The following FYB1 variants were observed in gnomAD, a reference collection of about 807,000 sequenced individuals.
The protein encoded by FYB1 is FYN-binding protein 1.
A neutral mutation model predicts 94.1 loss-of-function variants in FYB1; 41 were observed. That is an observed-to-expected ratio of 0.44 (90% CI 0.34 to 0.57). FYB1 has a LOEUF of 0.57. FYB1 is among the 20% of genes least tolerant of loss of function. The pLI, the probability that FYB1 is intolerant of heterozygous loss-of-function variation, is 0.02. For synonymous variants in FYB1, 367 were observed against 353.2 expected (o/e 1.04, Z -0.44); for missense variants, 1,050 against 976.8 (o/e 1.07, Z -1.00).
intron 1 of FYB1, among the ~76,000 whole-genome samples, chr5:39,266,864 G>C (rs567427616): frequency 2.0e-5 from 3 of 152,284 alleles, no homozygotes; most frequent in Non-Finnish European, 4.4e-5. Flanking sequence ...ACCAGACATG[G>C]TCACCAGCCT....
At chr5:39,209,922 A>G (rs1749207835) in intron 1 of FYB1, among the ~76,000 whole-genome samples, 1 of 152,216 alleles carries the variant, frequency 6.6e-6, no homozygotes. Context: ...GCACTTGCCA[A>G]TTGAATATCT....
At chr5:39,222,534 A>G (rs2150556761), upstream of FYB1, among the ~76,000 whole-genome samples, 1 of 152,330 alleles carries the variant, frequency 6.6e-6, no homozygotes, top group African/African-American at 2.4e-5. Flanking sequence ...CTTTCCAAAA[A>G]GGCAGAAAAG....
chr5:39,124,363 C>G, intron 12 of FYB1, 85 bp from the exon 13 acceptor site: 1 of 864,544 alleles, frequency 1.2e-6, no homozygotes, highest in Non-Finnish European at 1.7e-6. Context: ...TATAAAGGGG[C>G]AATAGCCTAG....
intron 1 of FYB1, chr5:39,211,115 A>C (rs1030081214): frequency 9.2e-5 from 14 of 152,216 alleles, no homozygotes; most frequent in Admixed American, 2.6e-4. Flanking sequence ...ATTAGAAAAC[A>C]GTTTTTCAGG....
intron 1 of FYB1, among the ~76,000 whole-genome samples, chr5:39,248,986 A>C (rs1454824839): frequency 1.3e-5 from 2 of 152,238 alleles, no homozygotes; most frequent in Non-Finnish European, 2.9e-5. Flanking sequence ...AAATTAAATA[A>C]AATAAACAAT....
chr5:39,147,986 C>A (rs1742832193), intron 3 of FYB1, among the ~76,000 whole-genome samples: 1 of 139,392 alleles, frequency 7.2e-6, no homozygotes, highest in Admixed American at 7.2e-5. Flanking sequence ...GGCAAGTCCA[C>A]CCTGTCTTCT....
intron 2 of FYB1, among the ~76,000 whole-genome samples, chr5:39,196,126 C>A (rs1392946027): frequency 6.6e-6 from 1 of 151,112 alleles, no homozygotes; most frequent in Non-Finnish European, 1.5e-5. Flanking sequence ...TGTGTTAAAA[C>A]AATTGCTAAG....
At chr5:39,270,705 C>T (rs1752638989) in intron 1 of FYB1, 3 of 692,342 alleles carry the variant, frequency 4.3e-6, no homozygotes, top group Non-Finnish European at 6.8e-6. Flanking sequence ...AGCTTTCACA[C>T]ATTGATATGT....
intron 5 of FYB1, 150 bp from the exon 6 acceptor site, chr5:39,138,841 A>G (rs1471736107): frequency 1.5e-6 from 1 of 674,870 alleles, no homozygotes; most frequent in South Asian, 1.6e-5. Context: ...AACTACTTAA[A>G]GGAGCCATAC....
rs1561257257 is a variant in FYB1, at chr5:39,202,354, G to A, written c.607C>T (p.Pro203Ser). Reference protein sequence around the residue: ...FPKPAFGQKPPLSTENSHEDE... With the variant: ...FPKPAFGQKPSLSTENSHEDE... Reference sequence around the variant, plus strand: ...TCATGGGAGTTCTCGGTACTTAGGGGCGGCTTCTGGCCAAAGGCGGGTTTG... The same window carrying A: ...TCATGGGAGTTCTCGGTACTTAGGGACGGCTTCTGGCCAAAGGCGGGTTTG... Residue 203 changes from proline to serine, a missense_variant, in exon 2 of 19, where the codon CCC becomes TCC. Transcript: ENST00000512982. The A allele has an allele frequency of 5.6e-6, 9 of 1,613,952 alleles. No homozygotes were observed. Among genetic ancestry groups the A allele is most frequent in the African/African-American group, 1.3e-5 (1 of 75,026 alleles).
chr5:39,139,443 T>A (rs1741957929), intron 4 of FYB1, 191 bp from the exon 5 acceptor site: 2 of 413,324 alleles, frequency 4.8e-6, no homozygotes, highest in South Asian at 1.2e-4. Context: ...TTTGTGCTGG[T>A]GACTTAATTA....
In FYB1 at chr5:39,105,745, T is replaced by C. The variant is rs1306998450; in HGVS notation, c.*1698A>G. The stretch of plus-strand genomic sequence containing the variant: ...CACTTTTGAACCAGGTAATTTTATC[T>C]AGTGTGAAAAGAAATTAATCACATG... On this transcript the variant is annotated 3_prime_UTR_variant, in exon 19 of 19. Transcript: ENST00000512982. The C allele has an allele frequency of 6.6e-6, 1 of 152,188 alleles. No individual in the cohort carries two copies. The highest frequency in any genetic ancestry group is 6.5e-5 in the Admixed American group (1 of 15,270). 9.4% of individuals were successfully genotyped at this position (152,188 alleles called of 1,614,324 possible).
chr5:39,168,012 A>G (rs567719811), intron 2 of FYB1, among the ~76,000 whole-genome samples: 1 of 152,336 alleles, frequency 6.6e-6, no homozygotes, highest in East Asian at 1.9e-4. Context: ...CACTTTATAA[A>G]TGTTAATTCT....
In FYB1 at chr5:39,231,367, T is replaced by C. The variant is rs372484236; in HGVS notation, c.-27-28380A>G. Among the ~76,000 whole-genome samples the C allele has an allele frequency of 3.3e-5, 5 of 152,222 alleles. No individual in the cohort carries two copies. The East Asian group carries it at 5.8e-4, about 18-fold the overall frequency. The stretch of plus-strand genomic sequence containing the variant: ...TACATGGTTGGCCATCTTTTCTCTC[T>C]AAATGTACTGAGTACCTTTTGGGTT... On this transcript the variant is annotated intron_variant, in intron 1 of 1. Coordinates refer to the FYB1 transcript ENST00000510188.
At chr5:39,261,788 G>C (rs762822591) in intron 1 of FYB1, among the ~76,000 whole-genome samples, 65 of 152,020 alleles carry the variant, frequency 4.3e-4, no homozygotes, top group Admixed American at 9.8e-4. Flanking sequence ...GATGAACATG[G>C]AATTTTATGA....
chr5:39,130,671 A>G, intron 9 of FYB1, 59 bp from the exon 10 acceptor site: 1 of 1,239,418 alleles, frequency 8.1e-7, no homozygotes. Flanking sequence ...TATGAGGAAG[A>G]GAAGTACATA....
At chr5:39,201,279 T>C (rs944073258) in intron 2 of FYB1, among the ~76,000 whole-genome samples, 33 of 152,198 alleles carry the variant, frequency 2.2e-4, no homozygotes, top group African/African-American at 8.0e-4. Context: ...AATTCTTTGT[T>C]GTGGGACTGT....
chr5:39,199,154 C>A (rs1309275068), intron 2 of FYB1, among the ~76,000 whole-genome samples: 1 of 151,472 alleles, frequency 6.6e-6, no homozygotes, highest in Non-Finnish European at 1.5e-5. Flanking sequence ...TTACATACTC[C>A]AGAATTATAA....
intron 1 of FYB1, among the ~76,000 whole-genome samples, chr5:39,258,126 C>T (rs1270498370): frequency 1.3e-5 from 2 of 152,040 alleles, no homozygotes; most frequent in Admixed American, 1.3e-4. Context: ...TTTGGGAGCA[C>T]ACTTTGAGAA....
Sources: gnomAD v4.1 joint callset for allele counts (sites outside exome capture counted in the v4.1 genomes callset) on GRCh38, gnomAD v4.1.1 for gene constraint, MANE v1.5 for transcripts, NCBI Gene and HGNC (gene_info 2026-07-23, HGNC 2026-07-21) for gene names.